Variants in ZNF276 observed in about 807,000 individuals in gnomAD.
ZNF276 encodes the protein centromere protein Z.
In ZNF276, 59 loss-of-function variants were observed where a neutral mutation model predicts 63.9. The observed-to-expected ratio is 0.92, with a 90% CI of 0.75 to 1.15. The LOEUF (loss-of-function observed/expected upper bound fraction) is 1.15. Among genes scored for constraint, ZNF276 ranks in the 50% most tolerant of loss-of-function variants. The pLI, the probability that ZNF276 is intolerant of heterozygous loss-of-function variation, is 0.00. For missense variants in ZNF276, 1,084 were observed against 843.8 expected, an observed-to-expected ratio of 1.28 and a Z score of -3.53; for synonymous variants, 496 against 348.4, an observed-to-expected ratio of 1.42 and a Z score of -4.72.
In ZNF276 at chr16:89,738,966, G is replaced by T; in HGVS notation, c.*720G>T. The T allele has an allele frequency of 6.2e-7, 1 of 1,614,186 alleles. No individual in the cohort carries two copies. The highest frequency in any genetic ancestry group is 8.5e-7 in the Non-Finnish European group (1 of 1,180,030). On this transcript the variant is annotated 3_prime_UTR_variant, in exon 11 of 11. Coordinates refer to ENST00000443381, the MANE Select transcript of ZNF276 (RefSeq NM_001113525.2). ...GACGAGCTTTTGTTATCAGTTCCACGGGGTTGCCCTAGAGAGAAAACAGGC... is the reference window on the plus strand; with the variant it reads ...GACGAGCTTTTGTTATCAGTTCCACTGGGTTGCCCTAGAGAGAAAACAGGC...
chr16:89,739,679 C>G lies in ZNF276; in HGVS notation c.*1433C>G. 2 of 1,515,270 alleles carry G rather than the reference C, an allele frequency of 1.3e-6. No individual in the cohort carries two copies. The highest frequency in any genetic ancestry group is 1.8e-6 in the Non-Finnish European group (2 of 1,122,296). 93.9% of individuals were successfully genotyped at this position (1,515,270 alleles called of 1,614,324 possible). On this transcript the variant is annotated 3_prime_UTR_variant, in exon 11 of 11. Coordinates refer to ENST00000443381, the MANE Select transcript of ZNF276 (RefSeq NM_001113525.2). ...GGCTGTGGGGATAGTGTGGGGCGAA[C>G]AGCCTGAGCTGAGGATACCCAGGTA...
Position 89,723,693 on chromosome 16 carries a change from C to A in ZNF276, c.990C>A (p.Pro330=). The change falls in exon 4 of 11, where the codon CCC becomes CCA. Residue 330 remains proline, a synonymous_variant. Coordinates refer to ENST00000443381, the MANE Select transcript of ZNF276 (RefSeq NM_001113525.2). ...RSGFPPQPSL[P]LCRAPGQLGE... ...GCTTCCCACCTCAGCCAAGCCTGCC[C>A]CTTTGCAGGGCCCCAGGTAGGAGGC... is the stretch of plus-strand genomic sequence containing the variant. 6.2e-7 allele frequency: 1 copy of A among 1,610,056 alleles called. No individual in the cohort carries two copies. The highest frequency in any genetic ancestry group is 8.5e-7 in the Non-Finnish European group (1 of 1,178,268).
At chr16:89,729,938 C>G (rs961765784) in intron 6 of ZNF276, among the ~76,000 whole-genome samples, 38 of 152,262 alleles carry the variant, frequency 2.5e-4, no homozygotes, top group African/African-American at 9.1e-4. Flanking sequence ...CAGCCCTATA[C>G]CCAGCAGTAC....
intron 9 of ZNF276, among the ~76,000 whole-genome samples, chr16:89,734,405 A>C (rs929182569): frequency 6.6e-6 from 1 of 152,056 alleles, no homozygotes; most frequent in African/African-American, 2.4e-5. Flanking sequence ...GGCTCACCAC[A>C]ACCTCTGCCT....
chr16:89,733,128 C>G, intron 6 of ZNF276, 174 bp from the exon 7 acceptor site: 1 of 652,362 alleles, frequency 1.5e-6, no homozygotes, highest in South Asian at 1.9e-5. Flanking sequence ...CCCCTGAGGC[C>G]TCCTGTCCAG....
At position 89,740,133 on chromosome 16, in the gene ZNF276, C is replaced by G; in HGVS notation, c.*1887C>G. 6.4e-7 allele frequency: 1 copy of G among 1,560,110 alleles called. No individual in the cohort carries two copies. ...CGCAGGAGACCAACCCTGAGAATGG[C>G]CGACCTGGTGCTCCCATGGGTAGGA... On this transcript the variant is annotated 3_prime_UTR_variant, in exon 11 of 11. Coordinates refer to ENST00000443381, the MANE Select transcript of ZNF276 (RefSeq NM_001113525.2).
chr16:89,733,465 C>G lies in ZNF276; in HGVS notation c.1281-17C>G. 6.2e-7 allele frequency: 1 copy of G among 1,614,148 alleles called. No individual in the cohort carries two copies. The highest frequency in any genetic ancestry group is 8.5e-7 in the Non-Finnish European group (1 of 1,180,012). ...TGCCTGTCGGGGCCGGGGCTCCATG[C>G]ATGCTCTTCATTGCAGGGAGGAGCT... On this transcript the variant is annotated splice_polypyrimidine_tract_variant and intron_variant, in intron 7 of 10. Coordinates refer to ENST00000443381, the MANE Select transcript of ZNF276 (RefSeq NM_001113525.2).
rs2061281330 is a variant in ZNF276, at chr16:89,721,677, G to A, written c.37G>A (p.Gly13Arg). 4 of 1,438,630 alleles carry A rather than the reference G, an allele frequency of 2.8e-6. No individual in the cohort carries two copies. Among genetic ancestry groups the A allele is most frequent in the African/African-American group, 1.5e-5 (1 of 67,384 alleles). The allele number at this position is 1,438,630 out of a possible 1,614,324, so 89.1% of individuals were successfully genotyped here. ...CCGGCTGGGCCGCTTCCTGTCTCCT[G>A]GGTCGTCCCGACAGTGCGGGGCCTC... ...RDRLGRFLSPGSSRQCGASDG... is the reference protein window; with the variant it reads ...RDRLGRFLSPRSSRQCGASDG... Residue 13 changes from glycine to arginine, a missense_variant, in exon 1 of 11, where the codon GGG becomes AGG. Physicochemically the swap from Gly to Arg is moderately radical, Grantham distance 125. Transcript: ENST00000443381.
rs1421427018 is a variant in ZNF276, at chr16:89,740,262, CA to C, written c.*2017del. 4.5e-5 allele frequency: 31 copies of C among 687,356 alleles called. No individual in the cohort carries two copies. The East Asian group carries it at 8.2e-4, about 18-fold the overall frequency. 42.6% of individuals were successfully genotyped at this position (687,356 alleles called of 1,614,324 possible). A position where few individuals can be genotyped will look rare whatever the true frequency, so the allele number is the denominator to read the frequency against. Reference sequence around the variant, plus strand: ...TAGAAGGTAATACTGGGCCTCTGGACAGAAGAGGCTCAGGTAGGAGGCCAGG... The same window carrying C: ...TAGAAGGTAATACTGGGCCTCTGGACGAAGAGGCTCAGGTAGGAGGCCAGG... On this transcript the variant is annotated 3_prime_UTR_variant, in exon 11 of 11. Coordinates refer to ENST00000443381, the MANE Select transcript of ZNF276 (RefSeq NM_001113525.2).
chr16:89,734,103 C>A lies in ZNF276; in HGVS notation c.1474+65C>A, dbSNP rs1039602293. ...AGGGGCACGTGACCTGCTTTCCAGT[C>A]TTCCTCATACCCATCCCCGCCCCAA... On this transcript the variant is annotated intron_variant, in intron 9 of 10. Coordinates refer to ENST00000443381, the MANE Select transcript of ZNF276 (RefSeq NM_001113525.2). The A allele has an allele frequency of 1.9e-5, 28 of 1,483,270 alleles. No homozygotes were observed. The African/African-American group carries it at 2.2e-4, about 12-fold the overall frequency. 91.9% of individuals were successfully genotyped at this position (1,483,270 alleles called of 1,614,324 possible).
intron 6 of ZNF276, chr16:89,732,989 C>G (rs556052678): frequency 6.9e-5 from 18 of 262,338 alleles, no homozygotes; most frequent in African/African-American, 3.8e-4. Context: ...TCGCCCTGAC[C>G]CTGCTGTACC....
Position 89,740,801 on chromosome 16 carries a change from T to C in ZNF276, c.*2555T>C, listed in dbSNP as rs1343308311. On this transcript the variant is annotated 3_prime_UTR_variant, in exon 11 of 11. Coordinates refer to ENST00000443381, the MANE Select transcript of ZNF276 (RefSeq NM_001113525.2). ...ACACCTTGGCTGGTAAGGTCTGACT[T>C]ACATTTGAGGTCAGATGTGACGACA... 6.2e-7 allele frequency: 1 copy of C among 1,613,276 alleles called. No homozygotes were observed. The highest frequency in any genetic ancestry group is 1.1e-5 in the South Asian group (1 of 90,938).
intron 5 of ZNF276, among the ~76,000 whole-genome samples, chr16:89,728,236 T>C (rs1270049710): frequency 1.3e-5 from 2 of 151,642 alleles, no homozygotes; most frequent in South Asian, 2.1e-4. Flanking sequence ...TTGTGAACTT[T>C]TTTTTTTAGA....
At chr16:89,723,772 C>T in intron 4 of ZNF276, 63 bp downstream of exon 4, 2 of 1,491,872 alleles carry the variant, frequency 1.3e-6, no homozygotes, top group South Asian at 1.2e-5. Flanking sequence ...GCAGGGTTTT[C>T]AGCAGAAAGT....
At position 89,738,463 on chromosome 16, in the gene ZNF276, A is replaced by C; in HGVS notation, c.*217A>C. 6.9e-7 allele frequency: 1 copy of C among 1,448,442 alleles called. No homozygotes were observed. The highest frequency in any genetic ancestry group is 9.5e-7 in the Non-Finnish European group (1 of 1,055,450). The allele number at this position is 1,448,442 out of a possible 1,614,324, so 89.7% of individuals were successfully genotyped here. A position where few individuals can be genotyped will look rare whatever the true frequency, so the allele number is the denominator to read the frequency against. Reference sequence around the variant, plus strand: ...TGAGTGACTCGGGGCCGGACAGTTCATAAATAATTGATTCCTTTCCCCACT... The same window carrying C: ...TGAGTGACTCGGGGCCGGACAGTTCCTAAATAATTGATTCCTTTCCCCACT... On this transcript the variant is annotated 3_prime_UTR_variant, in exon 11 of 11. Transcript: ENST00000443381.
chr16:89,735,930 C>T (rs188323440), intron 9 of ZNF276, among the ~76,000 whole-genome samples: 66 of 147,830 alleles, frequency 4.5e-4, no homozygotes, highest in African/African-American at 1.2e-3. Context: ...TTGCTCTTGT[C>T]GCCCAGGCTG....
At position 89,739,727 on chromosome 16, in the gene ZNF276, T is replaced by C. The variant is rs1032833633; in HGVS notation, c.*1481T>C. The C allele has an allele frequency of 6.7e-7, 1 of 1,498,972 alleles. No individual in the cohort carries two copies. The highest frequency in any genetic ancestry group is 1.4e-5 in the African/African-American group (1 of 72,156). The allele number at this position is 1,498,972 out of a possible 1,614,324, so 92.9% of individuals were successfully genotyped here. On this transcript the variant is annotated 3_prime_UTR_variant, in exon 11 of 11. Transcript: ENST00000443381. ...GTACCTGTCAGCAGCTGGGAGAGGA[T>C]GGGGGGGTCGACCTCTTGCAGGAGG...
rs55679217 is a variant in ZNF276 at position 89,738,492 on chromosome 16, G to T, written c.*246G>T. 8.5e-6 allele frequency: 13 copies of T among 1,529,678 alleles called. No homozygotes were observed. The highest frequency in any genetic ancestry group is 1.7e-5 in the Admixed American group (1 of 57,492). The allele number at this position is 1,529,678 out of a possible 1,614,324, so 94.8% of individuals were successfully genotyped here. ...ATAATTGATTCCTTTCCCCACTAAAGCAGTCGAGGAGATTTGTAATCCACT... is the reference window on the plus strand; with the variant it reads ...ATAATTGATTCCTTTCCCCACTAAATCAGTCGAGGAGATTTGTAATCCACT... On this transcript the variant is annotated 3_prime_UTR_variant, in exon 11 of 11. Transcript: ENST00000443381.
intron 9 of ZNF276, chr16:89,737,419 G>A (rs2061967103): frequency 4.1e-6 from 1 of 245,220 alleles, no homozygotes; most frequent in East Asian, 6.4e-5. Flanking sequence ...TACTTGGCAG[G>A]CTGAGGCACA....
Sources: gnomAD v4.1 joint callset for allele counts (sites outside exome capture counted in the v4.1 genomes callset) on GRCh38, gnomAD v4.1.1 for gene constraint, MANE v1.5 for transcripts, NCBI Gene and HGNC (gene_info 2026-07-23, HGNC 2026-07-21) for gene names.